The following PCDHGA3 variants were observed in gnomAD, a reference collection of about 807,000 sequenced individuals.
The protein encoded by PCDHGA3 is protocadherin gamma subfamily A, 3, also known as protocadherin gamma-A3.
A neutral mutation model predicts 58.5 loss-of-function variants in PCDHGA3; 40 were observed. The ratio of observed to expected loss-of-function variants is 0.68; its 90% CI spans 0.53 to 0.89. The LOEUF is 0.89. Ranked by LOEUF, PCDHGA3 falls within the 40% of genes least tolerant of loss-of-function variation. PCDHGA3 has a pLI of 0.00. For synonymous variants in PCDHGA3, 530 were observed against 525.7 expected, an observed-to-expected ratio of 1.01 and a Z score of -0.11; for missense variants, 1,223 against 1,195.9, an observed-to-expected ratio of 1.02 and a Z score of -0.33.
intron 1 of PCDHGA3, chr5:141,355,521 G>C (rs1759885440): frequency 1.2e-6 from 2 of 1,613,948 alleles, no homozygotes; most frequent in Admixed American, 1.7e-5. Context: ...CAAACCTGGA[G>C]ATTCTTCTAG....
rs539038497 is a variant in PCDHGA3 at position 141,420,464 on chromosome 5, C to T, written c.2424+74007C>T. 2.0e-4 allele frequency: 164 copies of T among 801,490 alleles called. 1 individual carries two copies. In the South Asian group the frequency reaches 6.4e-3, roughly 31 times the overall value. 49.6% of individuals were successfully genotyped at this position (801,490 alleles called of 1,614,324 possible). ...CCTCAGTCTTCCTACTATTCAAAGA[C>T]ATTTTAAAGCAAACTACATGGGTAA... On this transcript the variant is annotated intron_variant, in intron 1 of 3. Transcript: ENST00000253812.
intron 1 of PCDHGA3, chr5:141,395,033 T>G: frequency 6.2e-7 from 1 of 1,614,140 alleles, no homozygotes; most frequent in Non-Finnish European, 8.5e-7. Context: ...CCTCACATTT[T>G]GTGGGTGTTG....
intron 1 of PCDHGA3, chr5:141,356,127 T>G (rs1760117791): frequency 1.2e-6 from 2 of 1,613,754 alleles, no homozygotes; most frequent in African/African-American, 2.7e-5. Flanking sequence ...GTCTAGATTA[T>G]GAGGACTCTG....
chr5:141,504,510 C>T (rs2099838864), intron 2 of PCDHGA3, among the ~76,000 whole-genome samples: 1 of 151,952 alleles, frequency 6.6e-6, no homozygotes, highest in Non-Finnish European at 1.5e-5. Context: ...GAGTGGATCT[C>T]CTCTGATATA....
chr5:141,511,031 A>G lies in PCDHGA3; in HGVS notation c.2657A>G (p.Gln886Arg). 6.2e-7 allele frequency: 1 copy of G among 1,614,244 alleles called. No individual in the cohort carries two copies. The highest frequency in any genetic ancestry group is 8.5e-7 in the Non-Finnish European group (1 of 1,180,034). ...SARYGPQFTL[Q>R]HVPDYRQNVY... Reference sequence around the variant, plus strand: ...CGCTACGGACCCCAGTTCACCCTGCAGCACGTGCCCGACTACCGCCAGAAT... The same window carrying G: ...CGCTACGGACCCCAGTTCACCCTGCGGCACGTGCCCGACTACCGCCAGAAT... The change falls in exon 4 of 4, where the codon CAG (glutamine) becomes CGG (arginine). Residue 886 changes from glutamine to arginine, a missense_variant. Gln to Arg is a conservative substitution (Grantham distance 43). Coordinates refer to ENST00000253812, the MANE Select transcript of PCDHGA3 (RefSeq NM_018916.4).
At chr5:141,410,625 G>A (rs202058499) in intron 1 of PCDHGA3, 1 of 1,602,442 alleles carries the variant, frequency 6.2e-7, no homozygotes, top group Non-Finnish European at 8.5e-7. Flanking sequence ...ACTTCGGTGA[G>A]TTTCTCTTTT....
chr5:141,411,868 A>G (rs2095520425), intron 1 of PCDHGA3: 1 of 152,224 alleles, frequency 6.6e-6, no homozygotes, highest in South Asian at 2.1e-4. Flanking sequence ...TCAAAAAAAA[A>G]AGACATTTCT....
intron 1 of PCDHGA3, chr5:141,409,931 A>G: frequency 1.2e-6 from 2 of 1,613,260 alleles, no homozygotes; most frequent in Non-Finnish European, 1.7e-6. Flanking sequence ...GTTCTTCGAT[A>G]TGGTACCTCG....
chr5:141,423,757 G>GGC, intron 1 of PCDHGA3: 1 of 395,122 alleles, frequency 2.5e-6, no homozygotes, highest in East Asian at 1.5e-4. Context: ...GTTTGGGGGG[G>GGC]GGGTGGGGCG....
At chr5:141,374,168 G>A in intron 1 of PCDHGA3, 1 of 1,613,320 alleles carries the variant, frequency 6.2e-7, no homozygotes, top group Non-Finnish European at 8.5e-7. Flanking sequence ...GGCCGCGGCA[G>A]CGCAGATCCG....
At position 141,511,393 on chromosome 5, in the gene PCDHGA3, C is replaced by G. The variant is rs1257680621; in HGVS notation, c.*220C>G. The G allele has an allele frequency of 2.8e-6, 3 of 1,067,816 alleles. No individual in the cohort carries two copies. The highest frequency in any genetic ancestry group is 3.9e-6 in the Non-Finnish European group (3 of 764,518). The allele number at this position is 1,067,816 out of a possible 1,614,324, so 66.1% of individuals were successfully genotyped here. A position where few individuals can be genotyped will look rare whatever the true frequency, so the allele number is the denominator to read the frequency against. On this transcript the variant is annotated 3_prime_UTR_variant, in exon 4 of 4. Coordinates refer to ENST00000253812, the MANE Select transcript of PCDHGA3 (RefSeq NM_018916.4). ...CAAAAGCAGTTCCGCTGGGAACCCC[C>G]ATCCAATCAACTGCTGTACCCATGG...
At chr5:141,495,010 G>T (rs1327870362) in intron 2 of PCDHGA3, 145 bp downstream of exon 2, 1 of 1,516,970 alleles carries the variant, frequency 6.6e-7, no homozygotes, top group Non-Finnish European at 8.9e-7. Flanking sequence ...GTGTGCGGGG[G>T]GCTGGCACAC....
chr5:141,509,132 G>A (rs1261849657), intron 3 of PCDHGA3, among the ~76,000 whole-genome samples: 1 of 152,150 alleles, frequency 6.6e-6, no homozygotes, highest in Admixed American at 6.5e-5. Flanking sequence ...GAGAAAAACC[G>A]AGGCGCATCC....
At chr5:141,357,481 G>C in intron 1 of PCDHGA3, 1 of 1,614,224 alleles carries the variant, frequency 6.2e-7, no homozygotes, top group Non-Finnish European at 8.5e-7. Context: ...CTCCCTCACC[G>C]CGGACTCGCG....
intron 1 of PCDHGA3, chr5:141,414,372 A>G: frequency 1.2e-6 from 2 of 1,613,914 alleles, no homozygotes; most frequent in Non-Finnish European, 1.7e-6. Context: ...TTAAATTAGA[A>G]AAGTCCATTG....
chr5:141,405,260 T>A, intron 1 of PCDHGA3: 1 of 1,614,140 alleles, frequency 6.2e-7, no homozygotes, highest in South Asian at 1.1e-5. Flanking sequence ...TCACCTGATC[T>A]TCCCCCAGCC....
chr5:141,350,844 A>G, intron 1 of PCDHGA3: 1 of 1,613,980 alleles, frequency 6.2e-7, no homozygotes, highest in South Asian at 1.1e-5. Flanking sequence ...CTGCTGGAAA[A>G]ACCTCTAGAC....
At chr5:141,449,137 A>C (rs1257120647) in intron 1 of PCDHGA3, among the ~76,000 whole-genome samples, 1 of 152,176 alleles carries the variant, frequency 6.6e-6, no homozygotes, top group Non-Finnish European at 1.5e-5. Context: ...AATGGAATTG[A>C]AATTGCTGGG....
rs777487681 is a variant in PCDHGA3, at chr5:141,432,809, T to C, written c.2425-61998T>C. 2.5e-6 allele frequency: 4 copies of C among 1,613,280 alleles called. No individual in the cohort carries two copies. In the African/African-American group the frequency reaches 5.4e-5, roughly 22 times the overall value. The stretch of plus-strand genomic sequence containing the variant: ...CGGCAGCCTCGAGTCTCCAGCTAAC[T>C]CTGAAACCTCAGACCTCACTCTGTA... On this transcript the variant is annotated intron_variant, in intron 1 of 3. Coordinates refer to ENST00000253812, the MANE Select transcript of PCDHGA3 (RefSeq NM_018916.4). The surrounding 1 kb of genome is among the most constrained non-coding windows in gnomAD (Gnocchi z 6.0).
Sources: gnomAD v4.1 joint callset for allele counts (sites outside exome capture counted in the v4.1 genomes callset) on GRCh38, gnomAD v4.1.1 for gene constraint, Gnocchi (gnomAD v3.1) non-coding constraint, MANE v1.5 for transcripts, NCBI Gene and HGNC (gene_info 2026-07-23, HGNC 2026-07-21) for gene names.